The following PHF3 variants were observed in gnomAD, a reference collection of about 807,000 sequenced individuals.
PHF3 encodes the protein PHD finger protein 3.
In PHF3, 41 loss-of-function variants were observed where a neutral mutation model predicts 178.4. That is an observed-to-expected ratio of 0.23 (90% CI 0.18 to 0.30). PHF3 has a LOEUF of 0.30. PHF3 is among the 10% of genes least tolerant of loss of function. PHF3 has a pLI of 1.00. For missense variants in PHF3, 2,346 were observed against 2,398.1 expected, an observed-to-expected ratio of 0.98 and a Z score of 0.45; for synonymous variants, 842 against 800.5, an observed-to-expected ratio of 1.05 and a Z score of -0.88.
rs2149626115 is a variant in PHF3 at position 63,722,089 on chromosome 6, C to G, written c.*8381C>G. ...GTGAGGTTTTTCTTCAAATGAAAGC[C>G]TGTTCCTTATGATACCATTTAATGG... On this transcript the variant is annotated 3_prime_UTR_variant, in exon 16 of 16. Coordinates refer to ENST00000262043, the MANE Select transcript of PHF3 (RefSeq NM_001370348.2). Among the ~76,000 whole-genome samples the G allele has an allele frequency of 6.6e-6, 1 of 152,208 alleles. No individual in the cohort carries two copies. The highest frequency in any genetic ancestry group is 1.9e-4 in the East Asian group (1 of 5,182).
At chr6:63,649,079 CTTATTTAT>C (rs10645572) in intron 2 of PHF3, among the ~76,000 whole-genome samples, 12,265 of 148,564 alleles carry the variant, frequency 0.083, 556 homozygotes, top group East Asian at 0.17. Context: ...AAAAAGAAAT[CTTATTTAT>C]TTATTTATTT....
At chr6:63,694,789 A>AAG in intron 6 of PHF3, 25 bp downstream of exon 6, 1 of 1,237,562 alleles carries the variant, frequency 8.1e-7, no homozygotes, top group Middle Eastern at 2.3e-4. Context: ...AGAAAAAATT[A>AAG]TATACTAATA....
rs773549100 is a variant in PHF3, at chr6:63,698,526, C to T, written c.2903C>T (p.Ser968Phe). The change falls in exon 8 of 16, where the codon TCT becomes TTT. Residue 968 changes from serine to phenylalanine, a missense_variant. Physicochemically the swap from Ser to Phe is radical, Grantham distance 155 (BLOSUM62 -2). Transcript: ENST00000262043. ...ACAAAAATTGAGAAAGAGCTTTTCT[C>T]TTTTTTTCGGGACACAGATGCTAAA... ...VATKIEKELF[S>F]FFRDTDAKYK... 2.5e-6 allele frequency: 4 copies of T among 1,603,486 alleles called. No individual in the cohort carries two copies. The highest frequency in any genetic ancestry group is 2.5e-6 in the Non-Finnish European group (3 of 1,176,478).
intron 2 of PHF3, among the ~76,000 whole-genome samples, chr6:63,671,414 G>A (rs114934055): frequency 0.012 from 1,821 of 152,218 alleles, 31 homozygotes; most frequent in African/African-American, 0.042. Flanking sequence ...GAAGAAACAC[G>A]ATTACTTTTG....
At chr6:63,680,264 C>T in intron 3 of PHF3, 103 bp downstream of exon 3, 1 of 1,052,618 alleles carries the variant, frequency 9.5e-7, no homozygotes, top group Non-Finnish European at 1.3e-6. Context: ...TGATGTTTTG[C>T]TAATCCATTC....
rs898560989 is a variant in PHF3, at chr6:63,717,845, CTTA to C, written c.*4143_*4145del. 2.1e-4 allele frequency among the ~76,000 whole-genome samples: 32 copies of C among 151,910 alleles called. No homozygotes were observed. Among genetic ancestry groups the C allele is most frequent in the Middle Eastern group, 6.8e-3 (2 of 294 alleles). ...TCAAAGTAATGATTTTTTTCAGGAACTTATTATTTATAAGGAGACCAAAAAGGT... is the reference window on the plus strand; with the variant it reads ...TCAAAGTAATGATTTTTTTCAGGAACTTATTTATAAGGAGACCAAAAAGGT... On this transcript the variant is annotated 3_prime_UTR_variant, in exon 16 of 16. Transcript: ENST00000262043.
intron 11 of PHF3, among the ~76,000 whole-genome samples, chr6:63,704,169 CAT>C (rs1767595407): frequency 6.6e-6 from 1 of 152,146 alleles, no homozygotes; most frequent in Admixed American, 6.5e-5. Flanking sequence ...TCCCTACGTG[CAT>C]AGTCTCCACT....
At chr6:63,646,884 CTT>C (rs745751113) in intron 2 of PHF3, 89 bp downstream of exon 2, 16,191 of 569,960 alleles carry the variant, frequency 0.028, no homozygotes, top group East Asian at 0.044. Context: ...TTCTTTTTTT[CTT>C]TTTTTTTTTT....
At chr6:63,650,890 T>C (rs1764990700) in intron 2 of PHF3, among the ~76,000 whole-genome samples, 1 of 151,526 alleles carries the variant, frequency 6.6e-6, no homozygotes, top group African/African-American at 2.4e-5. Flanking sequence ...AGTTTTCAGA[T>C]ATTTATTACT....
intron 10 of PHF3, among the ~76,000 whole-genome samples, chr6:63,703,280 G>A (rs1767552851): frequency 6.6e-6 from 1 of 152,140 alleles, no homozygotes. Context: ...AAAAGTCAGT[G>A]AAGAAATAAT....
intron 5 of PHF3, among the ~76,000 whole-genome samples, chr6:63,693,769 T>G (rs901982103): frequency 6.6e-6 from 1 of 152,374 alleles, no homozygotes; most frequent in Admixed American, 6.5e-5. Context: ...TGATGTGAAC[T>G]GTTGACTCTC....
Position 63,716,006 on chromosome 6 carries a change from A to G in PHF3, c.*2298A>G, listed in dbSNP as rs1180589069. Among the ~76,000 whole-genome samples, 2 of 152,176 alleles carry G rather than the reference A, an allele frequency of 1.3e-5. No individual in the cohort carries two copies. Among genetic ancestry groups the G allele is most frequent in the African/African-American group, 4.8e-5 (2 of 41,464 alleles). ...ACTTAGAATCATCTTAAGACAGTGA[A>G]TGCATACCTCTATTAGGTAAAAGTA... On this transcript the variant is annotated 3_prime_UTR_variant, in exon 16 of 16. Transcript: ENST00000262043.
intron 5 of PHF3, among the ~76,000 whole-genome samples, chr6:63,693,831 A>AT (rs765774849): frequency 4.6e-5 from 7 of 152,044 alleles, no homozygotes; most frequent in Non-Finnish European, 1.0e-4. Flanking sequence ...TTATCCCTAG[A>AT]TTTTTATGTT....
chr6:63,712,412 C>G lies in PHF3; in HGVS notation c.4824C>G (p.Asn1608Lys). 6.8e-6 allele frequency: 11 copies of G among 1,613,712 alleles called. No individual in the cohort carries two copies. The highest frequency in any genetic ancestry group is 9.3e-6 in the Non-Finnish European group (11 of 1,179,766). The part of the protein sequence containing the change: ...QEDQENNLQD[N>K]QTSNSSPCRS... ...ATCAAGAGAATAATTTGCAAGATAA[C>G]CAGACTTCAAATAGTTCTCCATGCA... The change falls in exon 16 of 16, where the codon AAC (asparagine) becomes AAG (lysine). Residue 1608 changes from asparagine to lysine, a missense_variant. By Grantham distance (94) the Asn-to-Lys change is moderately conservative (BLOSUM62 0). Around this residue, in one of 8 missense-constraint regions of PHF3, gnomAD observed 839 missense variants for 806.9 expected, o/e 1.04. Coordinates refer to ENST00000262043, the MANE Select transcript of PHF3 (RefSeq NM_001370348.2).
At chr6:63,705,159 G>A (rs1421535355) in intron 11 of PHF3, among the ~76,000 whole-genome samples, 3 of 152,152 alleles carry the variant, frequency 2.0e-5, no homozygotes, top group Admixed American at 2.0e-4. Flanking sequence ...ATTTGTCTTA[G>A]TTCTTCATGT....
rs1281661965 is a variant in PHF3 at position 63,706,204 on chromosome 6, A to G, written c.3543A>G (p.Ser1181=). ...FEEEKQESPK[S]TFSPAPRPEM... ...AGGAGAAACAGGAGTCTCCAAAGTCAACGTTCTCTCCTGCTCCACGGTAAT... is the reference window on the plus strand; with the variant it reads ...AGGAGAAACAGGAGTCTCCAAAGTCGACGTTCTCTCCTGCTCCACGGTAAT... Residue 1181 remains serine (S), a synonymous_variant, in exon 12 of 16, where the codon TCA becomes TCG. Transcript: ENST00000262043. The G allele has an allele frequency of 1.2e-6, 2 of 1,613,268 alleles. No homozygotes were observed. Among genetic ancestry groups the G allele is most frequent in the Admixed American group, 1.7e-5 (1 of 59,888 alleles).
rs1247325540 is a variant in PHF3, at chr6:63,713,671, A to G, written c.6083A>G (p.Asp2028Gly). The change falls in exon 16 of 16, where the codon GAT becomes GGT. Residue 2028 changes from aspartate (D) to glycine (G), a missense_variant. Physicochemically the swap from Asp to Gly is moderately conservative, Grantham distance 94. Around this residue, in one of 8 missense-constraint regions of PHF3, gnomAD observed 839 missense variants for 806.9 expected, o/e 1.04. Transcript: ENST00000262043. ...GEKDRDRYHKDRDHTDRTKSK... is the reference protein window; with the variant it reads ...GEKDRDRYHKGRDHTDRTKSK... ...AAGGACAGGGATAGGTACCACAAAG[A>G]TAGGGACCACACTGACAGAACTAAA... 6.3e-7 allele frequency: 1 copy of G among 1,595,514 alleles called. No homozygotes were observed. The highest frequency in any genetic ancestry group is 8.5e-7 in the Non-Finnish European group (1 of 1,174,998).
At chr6:63,701,619 C>T (rs367854280) in intron 9 of PHF3, among the ~76,000 whole-genome samples, 3 of 152,212 alleles carry the variant, frequency 2.0e-5, no homozygotes. Context: ...GGCACTAAAC[C>T]TCCATATAGA....
chr6:63,650,537 A>G (rs1764978921), intron 2 of PHF3, among the ~76,000 whole-genome samples: 1 of 152,222 alleles, frequency 6.6e-6, no homozygotes, highest in Non-Finnish European at 1.5e-5. Flanking sequence ...TTTTACTTGC[A>G]CTGCTTTCAA....
Sources: gnomAD v4.1 joint callset for allele counts (sites outside exome capture counted in the v4.1 genomes callset) on GRCh38, gnomAD v4.1.1 for gene constraint, gnomAD v4.1.1 regional missense constraint, MANE v1.5 for transcripts, NCBI Gene and HGNC (gene_info 2026-07-23, HGNC 2026-07-21) for gene names.